The following SHLD1 variants were observed in gnomAD, a reference collection of about 807,000 sequenced individuals.
The protein encoded by SHLD1 is shieldin complex subunit 1, also known as RINN1-REV7-interacting novel NHEJ regulator 3.
In SHLD1, 3 loss-of-function variants were observed where a neutral mutation model predicts 5.5. The observed-to-expected ratio is 0.54, with a 90% CI of 0.25 to 1.40. SHLD1 has a LOEUF of 1.40. Among genes scored for constraint, SHLD1 ranks in the 40% most tolerant of loss-of-function variants. SHLD1 has a pLI of 0.15. For synonymous variants in SHLD1, 92 were observed against 94.3 expected (o/e 0.98, Z 0.14); for missense variants, 210 against 244.4 (o/e 0.86, Z 0.94).
intron 2 of SHLD1, among the ~76,000 whole-genome samples, chr20:5,783,431 C>T (rs917156748): frequency 6.6e-6 from 1 of 152,142 alleles, no homozygotes; most frequent in Non-Finnish European, 1.5e-5. Flanking sequence ...ACCATGTTGG[C>T]CAGGCTGGTC....
At chr20:5,836,409 A>G (rs1419572713) in intron 2 of SHLD1, among the ~76,000 whole-genome samples, 1 of 151,926 alleles carries the variant, frequency 6.6e-6, no homozygotes, top group Non-Finnish European at 1.5e-5. Flanking sequence ...TTGGCTTTTT[A>G]ATGTCCCTGA....
chr20:5,809,204 T>C (rs2087424327), intron 2 of SHLD1, among the ~76,000 whole-genome samples: 1 of 152,076 alleles, frequency 6.6e-6, no homozygotes. Flanking sequence ...TATGACTAAA[T>C]AGTGGAAAGG....
chr20:5,774,254 ATTT>A (rs1266445348), intron 2 of SHLD1, among the ~76,000 whole-genome samples: 3 of 152,064 alleles, frequency 2.0e-5, no homozygotes, highest in African/African-American at 7.2e-5. Context: ...CCAAATATAT[ATTT>A]TTAGAAAGAA....
At chr20:5,836,903 A>G (rs237101) in intron 2 of SHLD1, among the ~76,000 whole-genome samples, 66,289 of 151,822 alleles carry the variant, frequency 0.44, 17,219 homozygotes, top group African/African-American at 0.72. Context: ...TAAAGAACTT[A>G]AAAGAAACAG....
intron 2 of SHLD1, among the ~76,000 whole-genome samples, chr20:5,818,483 G>A (rs1390535025): frequency 6.6e-6 from 1 of 152,218 alleles, no homozygotes; most frequent in Non-Finnish European, 1.5e-5. Flanking sequence ...ACATTTTTCT[G>A]TAGTAAGTAA....
chr20:5,823,337 A>G (rs2087629304), intron 2 of SHLD1, among the ~76,000 whole-genome samples: 1 of 151,828 alleles, frequency 6.6e-6, no homozygotes, highest in Non-Finnish European at 1.5e-5. Context: ...GGATTTTGGC[A>G]TGTTGGCCAG....
intron 2 of SHLD1, among the ~76,000 whole-genome samples, chr20:5,854,006 AT>A (rs758512977): frequency 4.8e-3 from 662 of 137,636 alleles, no homozygotes; most frequent in Admixed American, 7.4e-3. Flanking sequence ...TGCTCAGCTA[AT>A]TTTTTTTTTT....
At chr20:5,852,649 C>T (rs1264074374) in intron 2 of SHLD1, among the ~76,000 whole-genome samples, 1 of 152,066 alleles carries the variant, frequency 6.6e-6, no homozygotes, top group Non-Finnish European at 1.5e-5. Context: ...GGGGTTTTGC[C>T]ATGTTGGCCA....
At position 5,806,674 on chromosome 20, in the gene SHLD1, A is replaced by G. The variant is rs573687894; in HGVS notation, c.178+33631A>G. ...CTTCTGGCCATGGACAGAGAGATTC[A>G]GCATCACCATGTCATTGCAGAATGA... On this transcript the variant is annotated intron_variant, in intron 2 of 2. Transcript: ENST00000303142. The surrounding 1 kb of genome is among the most constrained non-coding windows in gnomAD (Gnocchi z 7.6). 1.2e-4 allele frequency among the ~76,000 whole-genome samples: 18 copies of G among 152,346 alleles called. No homozygotes were observed. In the South Asian group the frequency reaches 3.7e-3, roughly 32 times the overall value.
chr20:5,780,091 G>A (rs1435034386), intron 2 of SHLD1, among the ~76,000 whole-genome samples: 1 of 142,810 alleles, frequency 7.0e-6, no homozygotes, highest in Non-Finnish European at 1.5e-5. Context: ...TGATTCTCAT[G>A]CCTCAGCCTC....
intron 2 of SHLD1, among the ~76,000 whole-genome samples, chr20:5,788,769 A>C (rs1224170773): frequency 6.6e-6 from 1 of 152,218 alleles, no homozygotes; most frequent in African/African-American, 2.4e-5. Flanking sequence ...GAATTATATA[A>C]TTTGAAATCT....
At chr20:5,803,140 CTTAT>C (rs1390820714) in intron 2 of SHLD1, among the ~76,000 whole-genome samples, 1 of 152,050 alleles carries the variant, frequency 6.6e-6, no homozygotes, top group Non-Finnish European at 1.5e-5. Flanking sequence ...TGTTCTTCAC[CTTAT>C]TTGATTGCAG....
chr20:5,794,961 G>A (rs116273066), intron 2 of SHLD1, among the ~76,000 whole-genome samples: 2,048 of 152,054 alleles, frequency 0.013, 40 homozygotes, highest in African/African-American at 0.047. Flanking sequence ...AGTGATGGCC[G>A]AGCTTGGTGG....
At chr20:5,836,425 T>A (rs1169588936) in intron 2 of SHLD1, among the ~76,000 whole-genome samples, 1 of 152,208 alleles carries the variant, frequency 6.6e-6, no homozygotes, top group Non-Finnish European at 1.5e-5. Context: ...CCTGACCAGG[T>A]CTGTGTGAAA....
At chr20:5,843,376 C>G (rs1171111528) in intron 2 of SHLD1, among the ~76,000 whole-genome samples, 2 of 151,098 alleles carry the variant, frequency 1.3e-5, no homozygotes, top group Non-Finnish European at 2.9e-5. Context: ...TCTCTCTACC[C>G]AGAGCCAAGG....
In SHLD1 at chr20:5,767,322, A is replaced by C. The variant is rs932994922; in HGVS notation, c.-4-5540A>C. On this transcript the variant is annotated intron_variant, in intron 1 of 2. Coordinates refer to ENST00000303142, the MANE Select transcript of SHLD1 (RefSeq NM_152504.4). ...CTAACATGTATTTTTTAAATTTTTAATAGATACAAGGTCTTGCTATGTTGC... is the reference window on the plus strand; with the variant it reads ...CTAACATGTATTTTTTAAATTTTTACTAGATACAAGGTCTTGCTATGTTGC... Among the ~76,000 whole-genome samples the C allele has an allele frequency of 3.9e-5, 6 of 152,032 alleles. No homozygotes were observed. In the East Asian group the frequency reaches 1.2e-3, roughly 29 times the overall value.
intron 1 of SHLD1, among the ~76,000 whole-genome samples, chr20:5,754,831 G>A (rs766888674): frequency 1.3e-5 from 2 of 152,110 alleles, no homozygotes; most frequent in African/African-American, 2.4e-5. Flanking sequence ...CGACGCGGGC[G>A]GATCACCTGA....
chr20:5,854,465 A>T (rs2088055483), intron 2 of SHLD1, among the ~76,000 whole-genome samples: 1 of 152,160 alleles, frequency 6.6e-6, no homozygotes. Flanking sequence ...CTGCTATGAT[A>T]AAATTGTGTT....
intron 2 of SHLD1, among the ~76,000 whole-genome samples, chr20:5,773,621 G>T (rs980602709): frequency 6.6e-6 from 1 of 152,090 alleles, no homozygotes; most frequent in Non-Finnish European, 1.5e-5. Flanking sequence ...GAGTCTGGAG[G>T]CCCGCAGACC....
Sources: allele counts gnomAD v4.1 joint callset (sites outside exome capture counted in the v4.1 genomes callset), GRCh38; gene constraint gnomAD v4.1.1; non-coding constraint Gnocchi (gnomAD v3.1); transcripts MANE v1.5; gene names NCBI Gene and HGNC (gene_info 2026-07-23, HGNC 2026-07-21).